DPP6: variants seen among roughly 807,000 people sequenced by gnomAD.
DPP6 encodes the protein A-type potassium channel modulatory protein DPP6.
DPP6 carries 69 observed loss-of-function variants against 122.6 expected under a neutral mutation model. The observed-to-expected ratio is 0.56, with a 90% CI of 0.46 to 0.69. The LOEUF (loss-of-function observed/expected upper bound fraction) is 0.69. Ranked by LOEUF, DPP6 falls within the 30% of genes least tolerant of loss-of-function variation. The pLI, the probability that DPP6 is intolerant of heterozygous loss-of-function variation, is 0.00. For synonymous variants in DPP6, 418 were observed against 433.1 expected, an observed-to-expected ratio of 0.97 and a Z score of 0.43; for missense variants, 928 against 1,116.9, an observed-to-expected ratio of 0.83 and a Z score of 2.41.
chr7:153,963,563 C>A (rs1197836012), intron 1 of DPP6, among the ~76,000 whole-genome samples: 2 of 151,348 alleles, frequency 1.3e-5, no homozygotes, highest in East Asian at 3.9e-4. Context: ...GTGTCTACAG[C>A]CTGTGAGGAA....
intron 16 of DPP6, among the ~76,000 whole-genome samples, chr7:154,850,708 C>T (rs1439893450): frequency 6.6e-6 from 1 of 152,140 alleles, no homozygotes. Context: ...TTATCCATTT[C>T]TTCTTGGTTA....
At chr7:154,635,030 C>T (rs934978418) in intron 5 of DPP6, among the ~76,000 whole-genome samples, 14 of 152,162 alleles carry the variant, frequency 9.2e-5, no homozygotes, top group African/African-American at 1.4e-4. Context: ...ACAGCGAACA[C>T]GGACTTCTGA....
At chr7:154,252,235 T>TGTGTGTGTGTGTGTGTGCGC (rs60245069) in intron 1 of DPP6, among the ~76,000 whole-genome samples, 1 of 149,346 alleles carries the variant, frequency 6.7e-6, no homozygotes, top group African/African-American at 2.6e-5. Flanking sequence ...TGTGTGTGTG[T>TGTGTGTGTGTGTGTGTGCGC]GCGCGCATGC....
intron 1 of DPP6, among the ~76,000 whole-genome samples, chr7:153,980,621 T>A (rs938256738): frequency 3.5e-4 from 53 of 152,178 alleles, no homozygotes; most frequent in Admixed American, 8.5e-4. Context: ...CTTTTCTAGT[T>A]CTTTTGATTG....
intron 1 of DPP6, among the ~76,000 whole-genome samples, chr7:154,082,846 C>CTTTTTTTTTT (rs1174987723): frequency 3.8e-5 from 4 of 106,256 alleles, no homozygotes; most frequent in Admixed American, 9.3e-5. Flanking sequence ...TTTTCTTTTT[C>CTTTTTTTTTT]TTTTTTTTTT....
chr7:154,328,755 A>G (rs1563488024), intron 1 of DPP6, among the ~76,000 whole-genome samples: 1 of 152,172 alleles, frequency 6.6e-6, no homozygotes, highest in Non-Finnish European at 1.5e-5. Context: ...TCTAGAACAC[A>G]CCCACTGGCT....
At chr7:154,370,002 A>ATT (rs201781718) in intron 1 of DPP6, among the ~76,000 whole-genome samples, 7 of 151,378 alleles carry the variant, frequency 4.6e-5, no homozygotes, top group South Asian at 2.1e-4. Context: ...TTATTTATTT[A>ATT]GATAGAGTCT....
At chr7:154,500,242 A>T (rs1236739165) in intron 3 of DPP6, among the ~76,000 whole-genome samples, 1 of 152,222 alleles carries the variant, frequency 6.6e-6, no homozygotes, top group Non-Finnish European at 1.5e-5. Context: ...ATTATTATAG[A>T]TAGTGGTGAT....
chr7:154,289,833 T>C (rs1425648856), intron 1 of DPP6, among the ~76,000 whole-genome samples: 1 of 152,142 alleles, frequency 6.6e-6, no homozygotes, highest in East Asian at 1.9e-4. Flanking sequence ...CGTTATGCCA[T>C]GGGTAGGGTA....
chr7:154,040,621 G>A (rs1799710694), intron 1 of DPP6, among the ~76,000 whole-genome samples: 1 of 151,280 alleles, frequency 6.6e-6, no homozygotes, highest in African/African-American at 2.5e-5. Flanking sequence ...ATCAAATCAT[G>A]TTGCCTCTCC....
chr7:154,699,227 G>A (rs1223227649), intron 7 of DPP6, among the ~76,000 whole-genome samples: 1 of 152,154 alleles, frequency 6.6e-6, no homozygotes, highest in African/African-American at 2.4e-5. Context: ...CTAGAAGCCG[G>A]AGGCCACTCG....
chr7:153,890,683 CTTTTTTTT>C (rs34345128), intron 1 of DPP6, among the ~76,000 whole-genome samples: 4 of 81,992 alleles, frequency 4.9e-5, no homozygotes, highest in East Asian at 7.2e-4. Context: ...CAGTTTAGAA[CTTTTTTTT>C]TTTTTTTTTT....
intron 1 of DPP6, among the ~76,000 whole-genome samples, chr7:154,344,662 A>C (rs1423392259): frequency 6.6e-6 from 1 of 152,120 alleles, no homozygotes; most frequent in Non-Finnish European, 1.5e-5. Flanking sequence ...GGGGCTGTGG[A>C]AGCTTGTACG....
At chr7:153,759,086 G>T in the DPP6 span, among the ~76,000 whole-genome samples, 3 of 151,582 alleles carry the variant, frequency 2.0e-5, no homozygotes, top group African/African-American at 7.3e-5. Flanking sequence ...GTGTTTAGTG[G>T]CATATTGGTG....
chr7:153,986,661 T>C (rs576857757), intron 1 of DPP6, among the ~76,000 whole-genome samples: 13 of 152,368 alleles, frequency 8.5e-5, no homozygotes, highest in African/African-American at 3.1e-4. Context: ...TTAGCAGGAA[T>C]CGTTGGTGAA....
chr7:153,748,700 C>CTGGCGCCGGCCCGGCT, the DPP6 span, among the ~76,000 whole-genome samples: 23 of 113,112 alleles, frequency 2.0e-4, no homozygotes, highest in East Asian at 5.8e-3. Flanking sequence ...CTCGGAGCCG[C>CTGGCGCCGGCCCGGCT]TGGCGCCGGC....
At chr7:154,447,843 C>T (rs555170570) in intron 2 of DPP6, among the ~76,000 whole-genome samples, 2 of 152,234 alleles carry the variant, frequency 1.3e-5, no homozygotes, top group African/African-American at 4.8e-5. Context: ...TGAACAGACA[C>T]AGAATAAGCA....
intron 2 of DPP6, among the ~76,000 whole-genome samples, chr7:154,453,651 A>T (rs1349658938): frequency 6.6e-6 from 1 of 152,022 alleles, no homozygotes; most frequent in Non-Finnish European, 1.5e-5. Context: ...TCCAGGCCAA[A>T]AAAGCAGAAT....
chr7:154,723,555 T>A (rs1220321391), intron 7 of DPP6, among the ~76,000 whole-genome samples: 1 of 152,160 alleles, frequency 6.6e-6, no homozygotes, highest in Admixed American at 6.5e-5. Flanking sequence ...TTAGGTTGTA[T>A]ACTTGTTTCT....
Sources: allele counts gnomAD v4.1 joint callset (sites outside exome capture counted in the v4.1 genomes callset), GRCh38; gene constraint gnomAD v4.1.1; transcripts MANE v1.5; gene names NCBI Gene and HGNC (gene_info 2026-07-23, HGNC 2026-07-21).